ITK: variants seen among roughly 807,000 people sequenced by gnomAD.
ITK encodes IL2 inducible T cell kinase.
Under a neutral mutation model 87.6 loss-of-function variants are expected in ITK, and 45 were observed. That is an observed-to-expected ratio of 0.51 (90% CI 0.40 to 0.66). The LOEUF is 0.66. Ranked by LOEUF, ITK falls within the 30% of genes least tolerant of loss-of-function variation. ITK has a pLI of 0.00. For synonymous variants in ITK, 303 were observed against 273.6 expected, an observed-to-expected ratio of 1.11 and a Z score of -1.06; for missense variants, 605 against 766.3, an observed-to-expected ratio of 0.79 and a Z score of 2.48.
rs1754976600 is a variant in ITK, at chr5:157,244,314, G to T, written c.1285G>T (p.Ala429Ser). 2 of 1,614,032 alleles carry T rather than the reference G, an allele frequency of 1.2e-6. No homozygotes were observed. The highest frequency in any genetic ancestry group is 2.2e-5 in the South Asian group (2 of 91,080). ...VQLYGVCLEQ[A>S]PICLVFEFME... ...GCTGTATGGGGTGTGCCTGGAGCAGGCCCCCATCTGCCTGGTGTTTGAGTT... is the reference window on the plus strand; with the variant it reads ...GCTGTATGGGGTGTGCCTGGAGCAGTCCCCCATCTGCCTGGTGTTTGAGTT... Residue 429 changes from alanine to serine, a missense_variant, in exon 13 of 17, where the codon GCC (alanine) becomes TCC (serine). This residue lies in a region of ITK where 464 missense variants were observed against 578.0 expected (regional missense o/e 0.80). Transcript: ENST00000422843.
intron 4 of ITK, among the ~76,000 whole-genome samples, chr5:157,214,827 A>AT (rs1315541947): frequency 6.6e-6 from 1 of 152,084 alleles, no homozygotes; most frequent in African/African-American, 2.4e-5. Flanking sequence ...GGTGAGAGGA[A>AT]TTTTTTTTCT....
chr5:157,191,119 TTTTA>T (rs71847640), intron 1 of ITK, among the ~76,000 whole-genome samples: 26,541 of 151,708 alleles, frequency 0.17, 2,903 homozygotes, highest in African/African-American at 0.31. Flanking sequence ...TCTTATGTTT[TTTTA>T]TTTATTTATT....
At chr5:157,244,618 T>C (rs1580908883) in intron 13 of ITK, 140 bp downstream of exon 13, 1 of 705,688 alleles carries the variant, frequency 1.4e-6, no homozygotes, top group African/African-American at 1.7e-5. Flanking sequence ...TTCACCTACT[T>C]TGGGTGGTCC....
chr5:157,234,609 C>T (rs1236348623), intron 8 of ITK, among the ~76,000 whole-genome samples: 2 of 152,104 alleles, frequency 1.3e-5, no homozygotes, highest in Non-Finnish European at 2.9e-5. Flanking sequence ...AGGATGAGTT[C>T]ATGTCCTTTG....
At chr5:157,244,221 AC>A in intron 12 of ITK, 40 bp from the exon 13 acceptor site, 2 of 1,516,128 alleles carry the variant, frequency 1.3e-6, no homozygotes, top group Non-Finnish European at 1.8e-6. Context: ...TTTTTGGGAG[AC>A]TGAGTTTAGG....
intron 1 of ITK, among the ~76,000 whole-genome samples, chr5:157,200,098 A>AAG (rs1554100442): frequency 3.3e-5 from 5 of 149,546 alleles, no homozygotes; most frequent in Non-Finnish European, 7.4e-5. Context: ...AAAGGAAAGA[A>AAG]GAAAGGAAAG....
At chr5:157,198,217 C>T (rs144470638) in intron 1 of ITK, among the ~76,000 whole-genome samples, 2 of 152,200 alleles carry the variant, frequency 1.3e-5, no homozygotes, top group Non-Finnish European at 2.9e-5. Context: ...TTCATAGTTT[C>T]TTATGAGAAA....
intron 1 of ITK, among the ~76,000 whole-genome samples, chr5:157,207,759 C>T (rs1236417818): frequency 2.0e-5 from 3 of 152,172 alleles, no homozygotes; most frequent in Non-Finnish European, 4.4e-5. Context: ...GGCACCCATA[C>T]ATATCTTAAA....
At chr5:157,229,900 G>A (rs1363481633) in intron 7 of ITK, among the ~76,000 whole-genome samples, 2 of 152,168 alleles carry the variant, frequency 1.3e-5, no homozygotes, top group African/African-American at 2.4e-5. Flanking sequence ...GGCAACAAGA[G>A]CGAAACTCCA....
intron 8 of ITK, 73 bp downstream of exon 8, chr5:157,232,467 A>G: frequency 9.0e-7 from 1 of 1,112,982 alleles, no homozygotes; most frequent in Non-Finnish European, 1.3e-6. Context: ...CTGGAATCCC[A>G]GCGATTTGGC....
intron 1 of ITK, among the ~76,000 whole-genome samples, chr5:157,194,920 A>T (rs1460806049): frequency 1.3e-5 from 2 of 152,216 alleles, no homozygotes; most frequent in African/African-American, 4.8e-5. Flanking sequence ...CCTTGGGATA[A>T]CAACATGAAT....
chr5:157,190,944 G>C (rs1333593029), intron 1 of ITK, among the ~76,000 whole-genome samples: 1 of 152,110 alleles, frequency 6.6e-6, no homozygotes, highest in Non-Finnish European at 1.5e-5. Context: ...TTCCAAGGTT[G>C]AAGCAGTGGG....
At chr5:157,235,843 A>G (rs977231048) in intron 8 of ITK, among the ~76,000 whole-genome samples, 1 of 152,244 alleles carries the variant, frequency 6.6e-6, no homozygotes, top group Non-Finnish European at 1.5e-5. Flanking sequence ...AAAGAAAGAA[A>G]AATACTCCTA....
intron 9 of ITK, 67 bp from the exon 10 acceptor site, chr5:157,239,995 C>T (rs758760846): frequency 2.9e-5 from 43 of 1,486,830 alleles, no homozygotes; most frequent in Non-Finnish European, 3.7e-5. Context: ...ACTTAATACT[C>T]GTAGACTTTT....
intron 16 of ITK, among the ~76,000 whole-genome samples, chr5:157,249,466 C>T (rs1481016561): frequency 3.3e-5 from 5 of 152,218 alleles, no homozygotes; most frequent in Admixed American, 6.5e-5. Context: ...CCTCTGTACC[C>T]GCCCAGGTGG....
At chr5:157,252,512 C>T (rs1755160638) in intron 16 of ITK, 95 bp from the exon 17 acceptor site, 4 of 898,248 alleles carry the variant, frequency 4.5e-6, no homozygotes, top group African/African-American at 1.6e-5. Flanking sequence ...TACAAAAATC[C>T]ACAGGGGATG....
At chr5:157,235,375 C>A (rs1393523050) in intron 8 of ITK, among the ~76,000 whole-genome samples, 5 of 152,188 alleles carry the variant, frequency 3.3e-5, no homozygotes, top group Non-Finnish European at 5.9e-5. Flanking sequence ...GTCTCTCATG[C>A]CTTCCCTCGC....
intron 8 of ITK, among the ~76,000 whole-genome samples, chr5:157,233,336 G>A (rs558648102): frequency 2.8e-4 from 43 of 152,314 alleles, no homozygotes; most frequent in African/African-American, 9.9e-4. Flanking sequence ...AGAAAAAAGA[G>A]CAAGGGAATA....
Position 157,253,023 on chromosome 5 carries a change from C to G in ITK, c.*345C>G. ...AACAGAGAGAGACATGAGTAAGACC[C>G]AGATTGCTATTTTTATTGTTATTTT... On this transcript the variant is annotated 3_prime_UTR_variant, in exon 17 of 17. Coordinates refer to ENST00000422843, the MANE Select transcript of ITK (RefSeq NM_005546.4). 1 of 389,166 alleles carries G rather than the reference C, an allele frequency of 2.6e-6. No individual in the cohort carries two copies. The allele number at this position is 389,166 out of a possible 1,614,324, so 24.1% of individuals were successfully genotyped here.
Sources: gnomAD v4.1 joint callset for allele counts (sites outside exome capture counted in the v4.1 genomes callset) on GRCh38, gnomAD v4.1.1 for gene constraint, gnomAD v4.1.1 regional missense constraint, MANE v1.5 for transcripts, NCBI Gene and HGNC (gene_info 2026-07-23, HGNC 2026-07-21) for gene names.